Variants in TP53BP1 observed in about 807,000 individuals in gnomAD.
TP53BP1 encodes TP53-binding protein 1.
A neutral mutation model predicts 200.8 loss-of-function variants in TP53BP1; 61 were observed. The ratio of observed to expected loss-of-function variants is 0.30; its 90% CI spans 0.25 to 0.38. TP53BP1 has a LOEUF of 0.38. TP53BP1 is among the 10% of genes least tolerant of loss of function. TP53BP1 has a pLI of 1.00. For synonymous variants in TP53BP1, 822 were observed against 844.3 expected, an observed-to-expected ratio of 0.97 and a Z score of 0.46; for missense variants, 2,144 against 2,371.9, an observed-to-expected ratio of 0.90 and a Z score of 2.00.
At chr15:43,494,199 T>C (rs984120463), upstream of TP53BP1, among the ~76,000 whole-genome samples, 2 of 152,168 alleles carry the variant, frequency 1.3e-5, no homozygotes, top group Non-Finnish European at 2.9e-5. Context: ...AACATATACA[T>C]AGTAGGCATT....
chr15:43,421,255 T>G (rs1478202165), intron 19 of TP53BP1, 81 bp from the exon 20 acceptor site: 5 of 1,462,188 alleles, frequency 3.4e-6, no homozygotes. Context: ...GCCCTCAGAC[T>G]ACATGACAGG....
chr15:43,505,623 C>A (rs932820060), intron 1 of TP53BP1, among the ~76,000 whole-genome samples: 2 of 152,146 alleles, frequency 1.3e-5, no homozygotes, highest in East Asian at 3.8e-4. Context: ...CATTGCTCTG[C>A]CCATTTACTT....
At chr15:43,446,772 T>C (rs996305456) in intron 13 of TP53BP1, 182 bp from the exon 14 acceptor site, 1 of 1,513,604 alleles carries the variant, frequency 6.6e-7, no homozygotes, top group Non-Finnish European at 8.9e-7. Flanking sequence ...ACACCTGGTC[T>C]TAAGAGGAGC....
At chr15:43,506,893 A>G (rs1417543489) in intron 1 of TP53BP1, among the ~76,000 whole-genome samples, 1 of 152,150 alleles carries the variant, frequency 6.6e-6, no homozygotes, top group Non-Finnish European at 1.5e-5. Flanking sequence ...ACTTCACTTC[A>G]GCCTCTAATT....
At chr15:43,503,742 G>T (rs2079221806) in intron 1 of TP53BP1, among the ~76,000 whole-genome samples, 1 of 151,996 alleles carries the variant, frequency 6.6e-6, no homozygotes, top group African/African-American at 2.4e-5. Context: ...TTAGTCTGAA[G>T]TCTCACCCTG....
At chr15:43,474,606 T>C in intron 10 of TP53BP1, 67 bp downstream of exon 10, 1 of 1,109,210 alleles carries the variant, frequency 9.0e-7, no homozygotes, top group Non-Finnish European at 1.3e-6. Context: ...GTAGTACATT[T>C]TGCAAGGCAG....
chr15:43,447,528 G>C, intron 12 of TP53BP1, 43 bp from the exon 13 acceptor site: 1 of 1,398,276 alleles, frequency 7.2e-7, no homozygotes. Flanking sequence ...AAGAAAAAAT[G>C]ATTTAAAAAA....
At chr15:43,478,264 A>G (rs995757437) in intron 7 of TP53BP1, among the ~76,000 whole-genome samples, 5 of 152,330 alleles carry the variant, frequency 3.3e-5, no homozygotes, top group Admixed American at 2.6e-4. Context: ...ACTAACATGT[A>G]TAAGACATTC....
chr15:43,492,484 A>G lies in TP53BP1; in HGVS notation c.8-16T>C. 1.2e-6 allele frequency: 2 copies of G among 1,608,842 alleles called. No individual in the cohort carries two copies. The highest frequency in any genetic ancestry group is 4.5e-5 in the East Asian group (2 of 44,872). On this transcript the variant is annotated splice_polypyrimidine_tract_variant and intron_variant, in intron 1 of 27. Coordinates refer to ENST00000382044, the MANE Select transcript of TP53BP1 (RefSeq NM_001141980.3). ...ATCTGCTCCCCTGGAATGGAATAAC[A>G]AAAGATCAGTTCCGTGTAACCTACT...
chr15:43,457,201 G>A lies in TP53BP1; in HGVS notation c.1407C>T (p.Ser469=), dbSNP rs369974381. The A allele has an allele frequency of 5.6e-6, 9 of 1,607,750 alleles. No individual in the cohort carries two copies. The African/African-American group carries it at 1.1e-4, about 19-fold the overall frequency. The change falls in exon 12 of 28, where the codon TCC becomes TCT. Residue 469 remains serine, a synonymous_variant. Transcript: ENST00000382044. ...PQFSHDIFIP[S]PSLEEQSNDG... Reference sequence around the variant, plus strand: ...CATTTGATTGTTCTTCCAGACTTGGGGAAGGAATAAAAATGTCCTAAGGAA... The same window carrying A: ...CATTTGATTGTTCTTCCAGACTTGGAGAAGGAATAAAAATGTCCTAAGGAA...
chr15:43,468,041 T>A (rs891843007), intron 11 of TP53BP1, among the ~76,000 whole-genome samples: 1 of 152,090 alleles, frequency 6.6e-6, no homozygotes, highest in African/African-American at 2.4e-5. Context: ...TGCCTCGGCC[T>A]CCCAAAGTGC....
chr15:43,448,633 G>T (rs1254309616), intron 12 of TP53BP1, among the ~76,000 whole-genome samples: 1 of 151,360 alleles, frequency 6.6e-6, no homozygotes, highest in African/African-American at 2.4e-5. Context: ...TCCGCCTCCC[G>T]GGTTCATGCC....
At chr15:43,437,332 T>A (rs2045821805) in intron 16 of TP53BP1, among the ~76,000 whole-genome samples, 1 of 152,278 alleles carries the variant, frequency 6.6e-6, no homozygotes, top group Non-Finnish European at 1.5e-5. Flanking sequence ...AAATGAGGAA[T>A]TATATAAATT....
At chr15:43,451,595 T>C (rs1161504641) in intron 12 of TP53BP1, among the ~76,000 whole-genome samples, 3 of 152,214 alleles carry the variant, frequency 2.0e-5, no homozygotes, top group African/African-American at 7.2e-5. Context: ...TGTTGGACAT[T>C]TGGGATGGTT....
rs561839743 is a variant in TP53BP1 at position 43,492,493 on chromosome 15, G to T, written c.8-25C>A. 18 of 1,599,476 alleles carry T rather than the reference G, an allele frequency of 1.1e-5. No individual in the cohort carries two copies. In the African/African-American group the frequency reaches 2.1e-4, roughly 19 times the overall value. On this transcript the variant is annotated intron_variant, in intron 1 of 27. Coordinates refer to ENST00000382044, the MANE Select transcript of TP53BP1 (RefSeq NM_001141980.3). ...CCTGGAATGGAATAACAAAAGATCAGTTCCGTGTAACCTACTAGCCTTGCT... is the reference window on the plus strand; with the variant it reads ...CCTGGAATGGAATAACAAAAGATCATTTCCGTGTAACCTACTAGCCTTGCT...
intron 15 of TP53BP1, among the ~76,000 whole-genome samples, chr15:43,438,799 T>C (rs948995564): frequency 3.3e-5 from 4 of 120,746 alleles, no homozygotes; most frequent in African/African-American, 1.3e-4. Context: ...TAAAGAGATA[T>C]AATCAAATGC....
At chr15:43,410,683 G>A (rs752793723) in intron 24 of TP53BP1, among the ~76,000 whole-genome samples, 1 of 152,088 alleles carries the variant, frequency 6.6e-6, no homozygotes, top group Non-Finnish European at 1.5e-5. Context: ...CAGTGCATAA[G>A]GTTCAATGCC....
chr15:43,437,342 T>C lies in TP53BP1; in HGVS notation c.3191+982A>G, dbSNP rs572353085. Among the ~76,000 whole-genome samples the C allele has an allele frequency of 5.3e-5, 8 of 152,230 alleles. No homozygotes were observed. The South Asian group carries it at 1.7e-3, about 32-fold the overall frequency. On this transcript the variant is annotated intron_variant, in intron 16 of 27. Coordinates refer to ENST00000382044, the MANE Select transcript of TP53BP1 (RefSeq NM_001141980.3). Reference sequence around the variant, plus strand: ...CTAAGAAATGAGGAATTATATAAATTATTTTCACCGTAGGGCACGGTGGCT... The same window carrying C: ...CTAAGAAATGAGGAATTATATAAATCATTTTCACCGTAGGGCACGGTGGCT...
rs2044840007 is a variant in TP53BP1 at position 43,405,527 on chromosome 15, A to G, written c.*1856T>C. On this transcript the variant is annotated 3_prime_UTR_variant, in exon 28 of 28. Transcript: ENST00000382044. ...CTACTACGTACCTTGGTACTGTTCA[A>G]GCTGTGGGAGATACAGCGGTAAACA... 2.7e-6 allele frequency: 1 copy of G among 369,534 alleles called. No homozygotes were observed. The allele number at this position is 369,534 out of a possible 1,614,324, so 22.9% of individuals were successfully genotyped here. A position where few individuals can be genotyped will look rare whatever the true frequency, so the allele number is the denominator to read the frequency against.
Sources: gnomAD v4.1 joint callset for allele counts (sites outside exome capture counted in the v4.1 genomes callset) on GRCh38, gnomAD v4.1.1 for gene constraint, MANE v1.5 for transcripts, NCBI Gene and HGNC (gene_info 2026-07-23, HGNC 2026-07-21) for gene names.